Variants in AFF3 observed in about 807,000 individuals in gnomAD.
AFF3 encodes AF4/FMR2 family member 3.
In AFF3, 32 loss-of-function variants were observed where a neutral mutation model predicts 129.7. That is an observed-to-expected ratio of 0.25 (90% CI 0.19 to 0.33). The LOEUF (loss-of-function observed/expected upper bound fraction) is 0.33, where lower values mean the gene tolerates loss of function less well. Among genes scored for constraint, AFF3 ranks in the 10% least tolerant of loss-of-function variants. The pLI, the probability that AFF3 is intolerant of heterozygous loss-of-function variation, is 1.00. For synonymous variants in AFF3, 644 were observed against 635.4 expected, an observed-to-expected ratio of 1.01 and a Z score of -0.20; for missense variants, 1,373 against 1,592.0, an observed-to-expected ratio of 0.86 and a Z score of 2.34.
intron 13 of AFF3, among the ~76,000 whole-genome samples, chr2:99,612,685 T>G (rs771493758): frequency 9.9e-5 from 15 of 152,226 alleles, no homozygotes; most frequent in Non-Finnish European, 1.8e-4. Flanking sequence ...AGGGTTTTGC[T>G]GATGCTGGGT....
At chr2:99,793,887 T>G (rs1336144896) in intron 8 of AFF3, among the ~76,000 whole-genome samples, 1 of 152,226 alleles carries the variant, frequency 6.6e-6, no homozygotes, top group East Asian at 1.9e-4. Flanking sequence ...GTTCAACCTT[T>G]CTTCTTTTTC....
At chr2:99,738,318 T>C (rs1399570886) in intron 10 of AFF3, among the ~76,000 whole-genome samples, 2 of 152,126 alleles carry the variant, frequency 1.3e-5, no homozygotes, top group East Asian at 3.9e-4. Flanking sequence ...TGTGTTTTGC[T>C]TTATACTCAG....
At chr2:99,663,727 A>G (rs1355602145) in intron 12 of AFF3, among the ~76,000 whole-genome samples, 1 of 152,212 alleles carries the variant, frequency 6.6e-6, no homozygotes, top group Non-Finnish European at 1.5e-5. Context: ...AAGACTGCCC[A>G]ATATGTTTGG....
intron 19 of AFF3, among the ~76,000 whole-genome samples, chr2:99,568,093 T>C (rs1232514767): frequency 1.3e-5 from 2 of 152,192 alleles, no homozygotes; most frequent in African/African-American, 4.8e-5. Flanking sequence ...AGGGGTACTG[T>C]TACTGTTTAA....
rs551195391 is a variant in AFF3, at chr2:99,895,693, G to A, written c.874-58169C>T. Reference sequence around the variant, plus strand: ...CAGACAGAGCACACAGCAGGGACTCGGTGGGAGTGATTTAAAGTACTGAAC... The same window carrying A: ...CAGACAGAGCACACAGCAGGGACTCAGTGGGAGTGATTTAAAGTACTGAAC... On this transcript the variant is annotated intron_variant, in intron 7 of 24. Coordinates refer to ENST00000672756, the MANE Select transcript of AFF3 (RefSeq NM_001386135.1). Among the ~76,000 whole-genome samples, 14 of 152,178 alleles carry A rather than the reference G, an allele frequency of 9.2e-5. No homozygotes were observed. The East Asian group carries it at 1.5e-3, about 17-fold the overall frequency.
intron 7 of AFF3, among the ~76,000 whole-genome samples, chr2:99,944,204 C>G (rs951620673): frequency 6.6e-6 from 1 of 152,182 alleles, no homozygotes; most frequent in South Asian, 2.1e-4. Context: ...CCCGGCTCTA[C>G]TCCTATTTTT....
At chr2:99,641,883 C>A (rs768842992) in intron 13 of AFF3, among the ~76,000 whole-genome samples, 1 of 152,098 alleles carries the variant, frequency 6.6e-6, no homozygotes, top group Non-Finnish European at 1.5e-5. Context: ...TGTATGCCAG[C>A]GTTGTGGTAT....
chr2:99,552,549 GGC>G (rs1252520292), intron 24 of AFF3, among the ~76,000 whole-genome samples: 1 of 152,318 alleles, frequency 6.6e-6, no homozygotes, highest in African/African-American at 2.4e-5. Context: ...CTACTGTCAT[GGC>G]TGGTCACTGC....
chr2:100,105,252 C>G, intron 3 of AFF3: 1 of 1,122,110 alleles, frequency 8.9e-7, no homozygotes, highest in South Asian at 1.7e-5. Flanking sequence ...GGCGGCGGAC[C>G]CGGGTGGGTG....
At chr2:99,858,382 C>CAA (rs34454669) in intron 7 of AFF3, among the ~76,000 whole-genome samples, 1,554 of 82,376 alleles carry the variant, frequency 0.019, 31 homozygotes, top group African/African-American at 0.056. Flanking sequence ...CCTGTTTCTA[C>CAA]AAAAAAAAAA....
intron 2 of AFF3, among the ~76,000 whole-genome samples, chr2:100,116,244 T>G (rs1023729340): frequency 2.6e-5 from 4 of 152,272 alleles, no homozygotes; most frequent in Middle Eastern, 3.4e-3. Context: ...GTTTTATATG[T>G]GTCATTTGTA....
chr2:99,821,767 A>T (rs927933009), intron 8 of AFF3, among the ~76,000 whole-genome samples: 2 of 152,178 alleles, frequency 1.3e-5, no homozygotes, highest in Admixed American at 6.5e-5. Context: ...GCCTTGTGCT[A>T]TGACCTCGTG....
rs185476675 is a variant in AFF3 at position 100,019,621 on chromosome 2, T to C, written c.54-10689A>G. Reference sequence around the variant, plus strand: ...CAGCTTAGCTGGAAGTCTCAGCGGGTCAAGAGGACACAGAAGAGAGAAGTA... The same window carrying C: ...CAGCTTAGCTGGAAGTCTCAGCGGGCCAAGAGGACACAGAAGAGAGAAGTA... On this transcript the variant is annotated intron_variant, in intron 4 of 24. Transcript: ENST00000672756. 2.7e-3 allele frequency among the ~76,000 whole-genome samples: 414 copies of C among 152,194 alleles called. 1 individual carries two copies. The highest frequency in any genetic ancestry group is 9.5e-3 in the African/African-American group (393 of 41,504).
chr2:99,946,327 T>G (rs545008958), intron 7 of AFF3, among the ~76,000 whole-genome samples: 2 of 151,094 alleles, frequency 1.3e-5, no homozygotes, highest in African/African-American at 4.9e-5. Context: ...TACAAAAACA[T>G]AAGCTGGGCA....
At chr2:99,892,670 C>T (rs1027194620) in intron 7 of AFF3, among the ~76,000 whole-genome samples, 1 of 152,178 alleles carries the variant, frequency 6.6e-6, no homozygotes, top group Non-Finnish European at 1.5e-5. Context: ...CCCAGCAACA[C>T]CTGCCCTGGA....
At chr2:99,735,735 C>A (rs572943095) in intron 10 of AFF3, among the ~76,000 whole-genome samples, 1 of 152,134 alleles carries the variant, frequency 6.6e-6, no homozygotes, top group Non-Finnish European at 1.5e-5. Context: ...TCAATGGATC[C>A]GCCCACCTCA....
chr2:99,611,360 T>A (rs994095466), intron 13 of AFF3, among the ~76,000 whole-genome samples: 1 of 152,188 alleles, frequency 6.6e-6, no homozygotes, highest in African/African-American at 2.4e-5. Flanking sequence ...CTTGGTATGA[T>A]GAGTGATTTT....
chr2:99,576,639 A>C, intron 18 of AFF3, among the ~76,000 whole-genome samples: 1 of 152,014 alleles, frequency 6.6e-6, no homozygotes, highest in East Asian at 1.9e-4. Flanking sequence ...TTAATATGAC[A>C]TATGTGTTTG....
chr2:99,979,062 C>A (rs963684537), intron 7 of AFF3, among the ~76,000 whole-genome samples: 1 of 128,060 alleles, frequency 7.8e-6, no homozygotes, highest in Admixed American at 7.2e-5. Flanking sequence ...ATAGAATAGT[C>A]TGTTGAAGAT....
Sources: allele counts gnomAD v4.1 joint callset (sites outside exome capture counted in the v4.1 genomes callset), GRCh38; gene constraint gnomAD v4.1.1; transcripts MANE v1.5; gene names NCBI Gene and HGNC (gene_info 2026-07-23, HGNC 2026-07-21).